Variants in NAALADL2 observed in about 807,000 individuals in gnomAD.
The protein encoded by NAALADL2 is inactive N-acetylated-alpha-linked acidic dipeptidase-like protein 2.
A neutral mutation model predicts 87.2 loss-of-function variants in NAALADL2; 76 were observed. The ratio of observed to expected loss-of-function variants is 0.87; its 90% CI spans 0.72 to 1.05. NAALADL2 has a LOEUF of 1.05. Among genes scored for constraint, NAALADL2 ranks in the 50% least tolerant of loss-of-function variants. NAALADL2 has a pLI of 0.00. For synonymous variants in NAALADL2, 354 were observed against 331.0 expected, an observed-to-expected ratio of 1.07 and a Z score of -0.75; for missense variants, 1,089 against 945.8, an observed-to-expected ratio of 1.15 and a Z score of -1.99.
intron 10 of NAALADL2, among the ~76,000 whole-genome samples, chr3:175,626,072 A>G (rs969219877): frequency 7.9e-5 from 12 of 151,970 alleles, no homozygotes; most frequent in African/African-American, 2.4e-4. Flanking sequence ...ACTCTAGCCT[A>G]GAATGTAATT....
intron 1 of NAALADL2, among the ~76,000 whole-genome samples, chr3:174,913,158 AG>A (rs906782661): frequency 3.3e-5 from 5 of 152,138 alleles, no homozygotes; most frequent in Non-Finnish European, 7.3e-5. Flanking sequence ...GTATGAAAAA[AG>A]TTTTGGTAGA....
intron 1 of NAALADL2, among the ~76,000 whole-genome samples, chr3:174,876,082 A>G (rs1728466211): frequency 6.6e-6 from 1 of 152,182 alleles, no homozygotes; most frequent in African/African-American, 2.4e-5. Flanking sequence ...ACTATAATGT[A>G]CAGTGTATAT....
intron 2 of NAALADL2, among the ~76,000 whole-genome samples, chr3:175,226,047 C>T (rs1019896347): frequency 6.6e-6 from 1 of 151,962 alleles, no homozygotes; most frequent in African/African-American, 2.4e-5. Context: ...GATATAAATA[C>T]CAAATCAATT....
chr3:175,081,766 G>T (rs550212613), intron 1 of NAALADL2, among the ~76,000 whole-genome samples: 3 of 152,226 alleles, frequency 2.0e-5, no homozygotes, highest in East Asian at 3.9e-4. Context: ...TTCCGAACTG[G>T]TAAAGTGTAC....
Position 175,232,354 on chromosome 3 carries a change from T to C in NAALADL2, c.546-1577T>C, listed in dbSNP as rs556532529. Among the ~76,000 whole-genome samples the C allele has an allele frequency of 1.8e-4, 27 of 152,284 alleles. 1 individual carries two copies. The South Asian group carries it at 5.6e-3, about 32-fold the overall frequency. The stretch of plus-strand genomic sequence containing the variant: ...ACTGTTTTTATTGCATCTTCCTGTG[T>C]AGGCCACCTTGTAAGCTGTGGCCTC... On this transcript the variant is annotated intron_variant, in intron 2 of 13. Coordinates refer to ENST00000454872, the MANE Select transcript of NAALADL2 (RefSeq NM_207015.3).
chr3:175,718,444 G>A (rs1741707273), intron 11 of NAALADL2: 2 of 1,583,466 alleles, frequency 1.3e-6, no homozygotes, highest in African/African-American at 1.3e-5. Flanking sequence ...GTGCTTCTGG[G>A]TATTTAGGTC....
chr3:175,415,954 TAA>T (rs58764853), intron 5 of NAALADL2, among the ~76,000 whole-genome samples: 85 of 133,496 alleles, frequency 6.4e-4, no homozygotes, highest in Admixed American at 4.6e-4. Flanking sequence ...TGTCTCTATT[TAA>T]AAAAAAAAAA....
chr3:175,645,106 G>A (rs1244104839), intron 11 of NAALADL2, among the ~76,000 whole-genome samples: 2 of 151,562 alleles, frequency 1.3e-5, no homozygotes, highest in Non-Finnish European at 2.9e-5. Context: ...TAAGACTCAG[G>A]CGAAGCTGTA....
chr3:174,836,974 A>G (rs1723407252), intron 3 of NAALADL2, among the ~76,000 whole-genome samples: 1 of 152,088 alleles, frequency 6.6e-6, no homozygotes, highest in Non-Finnish European at 1.5e-5. Context: ...TATATGCCAC[A>G]ACCTATCTCT....
intron 3 of NAALADL2, among the ~76,000 whole-genome samples, chr3:174,781,355 A>G (rs569400225): frequency 1.5e-4 from 23 of 151,674 alleles, no homozygotes; most frequent in African/African-American, 4.8e-4. Context: ...GTTCTCCTGG[A>G]TAATATCCTG....
chr3:174,568,824 A>C (rs912632232), intron 2 of NAALADL2, among the ~76,000 whole-genome samples: 7 of 151,388 alleles, frequency 4.6e-5, no homozygotes, highest in African/African-American at 9.7e-5. Flanking sequence ...TATTATTATT[A>C]TTCTTTTTTT....
At chr3:174,534,831 G>C (rs1461076734) in intron 1 of NAALADL2, among the ~76,000 whole-genome samples, 1 of 152,146 alleles carries the variant, frequency 6.6e-6, no homozygotes. Context: ...GAAAAAAAGT[G>C]ATTTGTTTGG....
chr3:175,553,789 G>A (rs1714822719), intron 9 of NAALADL2, among the ~76,000 whole-genome samples: 1 of 151,446 alleles, frequency 6.6e-6, no homozygotes, highest in Admixed American at 6.6e-5. Context: ...TTCTTTTTAA[G>A]GATGTTTATA....
chr3:175,755,428 A>C lies in NAALADL2; in HGVS notation c.2189+10A>C. ...CACCAGGTTTTTATAGGTAGGATGC[A>C]TGTCTCAAAAATTATACTTTTTGCC... On this transcript the variant is annotated intron_variant, in intron 13 of 13. Transcript: ENST00000454872. 1 of 1,557,118 alleles carries C rather than the reference A, an allele frequency of 6.4e-7. No homozygotes were observed. Among genetic ancestry groups the C allele is most frequent in the South Asian group, 1.2e-5 (1 of 84,074 alleles).
chr3:174,527,401 C>A (rs373840585), intron 1 of NAALADL2, among the ~76,000 whole-genome samples: 1 of 151,732 alleles, frequency 6.6e-6, no homozygotes, highest in Non-Finnish European at 1.5e-5. Context: ...TGACTGTAAT[C>A]CCAGCTACTC....
At chr3:175,083,278 T>C (rs1718231284) in intron 1 of NAALADL2, among the ~76,000 whole-genome samples, 1 of 152,196 alleles carries the variant, frequency 6.6e-6, no homozygotes, top group Non-Finnish European at 1.5e-5. Context: ...CTTTGTTTTC[T>C]TTTTCAGAGA....
intron 2 of NAALADL2, among the ~76,000 whole-genome samples, chr3:175,186,893 C>T (rs1213702985): frequency 6.6e-6 from 1 of 151,512 alleles, no homozygotes; most frequent in African/African-American, 2.4e-5. Flanking sequence ...TTATTTCATG[C>T]AATAGGGAAA....
intron 5 of NAALADL2, among the ~76,000 whole-genome samples, chr3:175,444,740 C>T (rs1720411830): frequency 6.6e-6 from 1 of 152,118 alleles, no homozygotes; most frequent in African/African-American, 2.4e-5. Flanking sequence ...AAATAATGAC[C>T]TACGCTGTGG....
chr3:174,830,841 T>A (rs1560267469), intron 3 of NAALADL2, among the ~76,000 whole-genome samples: 1 of 152,120 alleles, frequency 6.6e-6, no homozygotes, highest in African/African-American at 2.4e-5. Flanking sequence ...TAAGTTGGAC[T>A]CCTAGGTATT....
Sources: gnomAD v4.1 joint callset for allele counts (sites outside exome capture counted in the v4.1 genomes callset) on GRCh38, gnomAD v4.1.1 for gene constraint, MANE v1.5 for transcripts, NCBI Gene and HGNC (gene_info 2026-07-23, HGNC 2026-07-21) for gene names.